The following ST8SIA5 variants were observed in gnomAD, a reference collection of about 807,000 sequenced individuals.
ST8SIA5 encodes ST8 alpha-N-acetyl-neuraminide alpha-2,8-sialyltransferase 5.
Under a neutral mutation model 40.2 loss-of-function variants are expected in ST8SIA5, and 24 were observed. The observed-to-expected ratio is 0.60, with a 90% confidence interval of 0.43 to 0.84. ST8SIA5 has a LOEUF of 0.84. Among genes scored for constraint, ST8SIA5 ranks in the 40% least tolerant of loss-of-function variants. ST8SIA5 has a pLI of 0.00. For missense variants in ST8SIA5, 465 were observed against 498.5 expected (o/e 0.93, Z 0.64); for synonymous variants, 198 against 201.8 (o/e 0.98, Z 0.16).
In ST8SIA5 at chr18:46,700,701, GC is replaced by G. The variant is rs535311206; in HGVS notation, c.224+3870del. ...CATGCAAAGCCCAGCTCAGCCAGGG[GC>G]CCCAGCTAGGATGGCTGCTCACCCT... is the stretch of plus-strand genomic sequence containing the variant. On this transcript the variant is annotated intron_variant, in intron 2 of 6. Coordinates refer to ENST00000315087, the MANE Select transcript of ST8SIA5 (RefSeq NM_013305.6). Among the ~76,000 whole-genome samples, 433 of 152,278 alleles carry G rather than the reference GC, an allele frequency of 2.8e-3. 2 individuals are homozygous for G. The highest frequency in any genetic ancestry group is 0.01 in the African/African-American group (426 of 41,540).
At chr18:46,721,084 CT>C (rs374634867) in intron 1 of ST8SIA5, among the ~76,000 whole-genome samples, 2 of 152,136 alleles carry the variant, frequency 1.3e-5, no homozygotes, top group African/African-American at 4.8e-5. Context: ...GCCCCCACCC[CT>C]AAATGGAGGT....
At chr18:46,730,728 G>T (rs1169693303) in intron 1 of ST8SIA5, among the ~76,000 whole-genome samples, 1 of 152,288 alleles carries the variant, frequency 6.6e-6, no homozygotes, top group African/African-American at 2.4e-5. Context: ...TTGAGCACAG[G>T]AGGTTGAGGC....
intron 1 of ST8SIA5, among the ~76,000 whole-genome samples, chr18:46,711,177 A>G (rs1009396338): frequency 1.1e-4 from 17 of 152,164 alleles, no homozygotes; most frequent in Non-Finnish European, 2.2e-4. Context: ...CACCAGACAC[A>G]TGGCTGGTCA....
chr18:46,720,657 A>C (rs1037904830), intron 1 of ST8SIA5, among the ~76,000 whole-genome samples: 4 of 152,126 alleles, frequency 2.6e-5, no homozygotes, highest in African/African-American at 7.2e-5. Flanking sequence ...TTAAGAAACC[A>C]AACAGCTTAA....
chr18:46,715,502 T>C (rs111711830), intron 1 of ST8SIA5, among the ~76,000 whole-genome samples: 3,043 of 151,726 alleles, frequency 0.02, 95 homozygotes, highest in African/African-American at 0.069. Context: ...AAAGATCATC[T>C]TGTCTGAGAT....
chr18:46,702,233 G>A (rs2039625520), intron 2 of ST8SIA5, among the ~76,000 whole-genome samples: 1 of 151,964 alleles, frequency 6.6e-6, no homozygotes, highest in Non-Finnish European at 1.5e-5. Context: ...GATTTGCACA[G>A]TAAAACATGG....
intron 1 of ST8SIA5, among the ~76,000 whole-genome samples, chr18:46,755,336 G>A (rs2040232214): frequency 1.3e-5 from 2 of 152,202 alleles, no homozygotes; most frequent in Admixed American, 6.5e-5. Context: ...AGAGAAGAAG[G>A]TGGGATGCTT....
intron 2 of ST8SIA5, among the ~76,000 whole-genome samples, chr18:46,697,380 A>T (rs2039567271): frequency 6.6e-6 from 1 of 152,196 alleles, no homozygotes; most frequent in African/African-American, 2.4e-5. Flanking sequence ...TACTTAGGGT[A>T]CAAAGAAAGA....
chr18:46,685,943 G>T, intron 5 of ST8SIA5: 1 of 565,560 alleles, frequency 1.8e-6, no homozygotes, highest in Non-Finnish European at 3.2e-6. Context: ...GATGTCCTTT[G>T]CTCTTAACAC....
At chr18:46,755,975 A>T (rs533043982) in intron 1 of ST8SIA5, among the ~76,000 whole-genome samples, 247 of 152,270 alleles carry the variant, frequency 1.6e-3, no homozygotes, top group African/African-American at 5.5e-3. Context: ...TAAACAAACA[A>T]ACAAACAAAC....
At chr18:46,723,757 C>G (rs2144532304) in intron 1 of ST8SIA5, among the ~76,000 whole-genome samples, 1 of 152,026 alleles carries the variant, frequency 6.6e-6, no homozygotes, top group Non-Finnish European at 1.5e-5. Context: ...GAAACCCTGT[C>G]TCTACTAAAA....
At chr18:46,700,378 G>A (rs1165970835) in intron 2 of ST8SIA5, among the ~76,000 whole-genome samples, 1 of 152,166 alleles carries the variant, frequency 6.6e-6, no homozygotes, top group Non-Finnish European at 1.5e-5. Flanking sequence ...ATTCACAGAT[G>A]GACTTTAACC....
intron 1 of ST8SIA5, among the ~76,000 whole-genome samples, chr18:46,733,008 C>T (rs908424562): frequency 3.9e-5 from 6 of 152,118 alleles, no homozygotes; most frequent in South Asian, 4.2e-4. Context: ...AGGGGCAGCT[C>T]GGGAGGCTGG....
At chr18:46,683,788 A>G (rs946259076) in intron 5 of ST8SIA5, among the ~76,000 whole-genome samples, 2 of 152,072 alleles carry the variant, frequency 1.3e-5, no homozygotes, top group African/African-American at 4.8e-5. Flanking sequence ...TTTTTTGAGC[A>G]TCTGTGGCAT....
rs1302223602 is a variant in ST8SIA5, at chr18:46,730,257, C to T, written c.132-25593G>A. 3 of 985,326 alleles carry T rather than the reference C, an allele frequency of 3.0e-6. No homozygotes were observed. In the East Asian group the frequency reaches 3.4e-4, roughly 112 times the overall value. 61.0% of individuals were successfully genotyped at this position (985,326 alleles called of 1,614,324 possible). On this transcript the variant is annotated intron_variant, in intron 1 of 6. Transcript: ENST00000315087. The stretch of plus-strand genomic sequence containing the variant: ...TTCTTGGATAGGGGGGCTCGCATTC[C>T]ACCATTCACTAGCAGTGTGACTCTC...
Position 46,674,563 on chromosome 18 carries a change from T to C in ST8SIA5, c.*5479A>G, listed in dbSNP as rs1303452905. 1 of 152,198 alleles carries C rather than the reference T, an allele frequency of 6.6e-6. No homozygotes were observed. The highest frequency in any genetic ancestry group is 1.5e-5 in the Non-Finnish European group (1 of 68,064). 9.4% of individuals were successfully genotyped at this position (152,198 alleles called of 1,614,324 possible). ...AGAGACCTCATTACTGTAGTAAACATGTGTTGAGTGGCCATGGCATGTGCT... is the reference window on the plus strand; with the variant it reads ...AGAGACCTCATTACTGTAGTAAACACGTGTTGAGTGGCCATGGCATGTGCT... On this transcript the variant is annotated 3_prime_UTR_variant, in exon 7 of 7. Transcript: ENST00000315087.
At chr18:46,695,542 G>A (rs772747678) in intron 2 of ST8SIA5, among the ~76,000 whole-genome samples, 3 of 152,188 alleles carry the variant, frequency 2.0e-5, no homozygotes, top group Admixed American at 6.5e-5. Flanking sequence ...GACTAGGCAT[G>A]GCACCTGACA....
chr18:46,716,146 C>A (rs1185131605), intron 1 of ST8SIA5, among the ~76,000 whole-genome samples: 1 of 125,332 alleles, frequency 8.0e-6, no homozygotes, highest in African/African-American at 2.8e-5. Flanking sequence ...ATATAGTGCT[C>A]CAGCTCCACC....
At chr18:46,686,050 G>A (rs2039442805) in intron 5 of ST8SIA5, 124 bp downstream of exon 5, 2 of 874,114 alleles carry the variant, frequency 2.3e-6, no homozygotes, top group Admixed American at 2.0e-5. Flanking sequence ...TCCCAGACCT[G>A]AGGGTCTGCA....
Sources: allele counts gnomAD v4.1 joint callset (sites outside exome capture counted in the v4.1 genomes callset), GRCh38; gene constraint gnomAD v4.1.1; transcripts MANE v1.5; gene names NCBI Gene and HGNC (gene_info 2026-07-23, HGNC 2026-07-21).